The following CCDC30 variants were observed in gnomAD, a reference collection of about 807,000 sequenced individuals.
CCDC30 encodes the protein coiled-coil domain containing 30, also known as coiled-coil domain-containing protein 30.
A neutral mutation model predicts 100.2 loss-of-function variants in CCDC30; 70 were observed. The observed-to-expected ratio is 0.70, with a 90% CI of 0.58 to 0.85. The LOEUF (loss-of-function observed/expected upper bound fraction) is 0.85, where lower values mean the gene tolerates loss of function less well. CCDC30 is among the 40% of genes least tolerant of loss of function. The pLI, the probability that CCDC30 is intolerant of heterozygous loss-of-function variation, is 0.00. For synonymous variants in CCDC30, 233 were observed against 269.5 expected, an observed-to-expected ratio of 0.86 and a Z score of 1.33; for missense variants, 652 against 771.2, an observed-to-expected ratio of 0.85 and a Z score of 1.83.
At chr1:42,456,567 T>G in the CCDC30 span, 5 of 1,475,048 alleles carry the variant, frequency 3.4e-6, no homozygotes, top group Non-Finnish European at 4.5e-6. Context: ...GCGCTGCAGA[T>G]GGCGGAAATG....
At chr1:42,457,305 T>A in the CCDC30 span, 2 of 1,614,210 alleles carry the variant, frequency 1.2e-6, no homozygotes, top group Non-Finnish European at 1.7e-6. Flanking sequence ...TTCCTGTCTC[T>A]GAAATGCCTG....
rs1246881863 is a variant in CCDC30 at position 42,542,848 on chromosome 1, C to G, written c.457-23448C>G. On this transcript the variant is annotated intron_variant, in intron 6 of 16. Coordinates refer to ENST00000668663, the Ensembl canonical transcript of CCDC30. The stretch of plus-strand genomic sequence containing the variant: ...GATTACAGGCGTGAGCCACCGCGCC[C>G]GGCCTAAATTTTTCTTTAATAAAGA... 1.8e-5 allele frequency: 2 copies of G among 113,808 alleles called. 1 individual carries two copies. The highest frequency in any genetic ancestry group is 5.9e-5 in the African/African-American group (2 of 34,098). The allele number at this position is 113,808 out of a possible 1,614,324, so 7.0% of individuals were successfully genotyped here. A position where few individuals can be genotyped will look rare whatever the true frequency, so the allele number is the denominator to read the frequency against.
At chr1:42,611,127 G>A (rs907226237) in intron 11 of CCDC30, 37 bp downstream of exon 15, 1 of 1,258,916 alleles carries the variant, frequency 7.9e-7, no homozygotes, top group South Asian at 1.2e-5. Flanking sequence ...AGAAAACTAT[G>A]TAGAGTAGTT....
chr1:42,606,627 G>T (rs1158762813), intron 10 of CCDC30, among the ~76,000 whole-genome samples: 1 of 152,160 alleles, frequency 6.6e-6, no homozygotes, highest in East Asian at 1.9e-4. Context: ...AGTAAATTTT[G>T]TGTTGAATTA....
chr1:42,633,936 T>C (rs1306135929), intron 11 of CCDC30, among the ~76,000 whole-genome samples: 1 of 152,040 alleles, frequency 6.6e-6, no homozygotes, highest in East Asian at 1.9e-4. Flanking sequence ...GTCCTTCACA[T>C]GGTGGCAGCA....
chr1:42,617,226 C>T lies in CCDC30; in HGVS notation c.1277+6136C>T, dbSNP rs552935393. 3.3e-5 allele frequency among the ~76,000 whole-genome samples: 5 copies of T among 152,216 alleles called. No homozygotes were observed. In the East Asian group the frequency reaches 9.6e-4, roughly 29 times the overall value. On this transcript the variant is annotated intron_variant, in intron 11 of 16. Transcript: ENST00000668663. ...GGCCAAGGCAGGAGGATCACTTGAA[C>T]CCAGGAGTTCAAAACCAGCCTAGGG...
intron 1 of CCDC30, among the ~76,000 whole-genome samples, chr1:42,475,609 T>G (rs1643873846): frequency 6.6e-6 from 1 of 152,212 alleles, no homozygotes; most frequent in Non-Finnish European, 1.5e-5. Context: ...AATTATATCT[T>G]CTACCCCAAG....
chr1:42,549,768 C>A (rs551695748), intron 6 of CCDC30, among the ~76,000 whole-genome samples: 1 of 152,112 alleles, frequency 6.6e-6, no homozygotes, highest in African/African-American at 2.4e-5. Context: ...CAACTGAATC[C>A]GAAGTTGGAA....
chr1:42,610,099 G>A (rs936274566), intron 10 of CCDC30, among the ~76,000 whole-genome samples: 1 of 152,172 alleles, frequency 6.6e-6, no homozygotes, highest in African/African-American at 2.4e-5. Context: ...AACATGATCA[G>A]ATGTGGCTAG....
chr1:42,520,294 T>C (rs973916122), intron 6 of CCDC30, among the ~76,000 whole-genome samples: 1 of 152,072 alleles, frequency 6.6e-6, no homozygotes, highest in Non-Finnish European at 1.5e-5. Flanking sequence ...TGGTGTGTTA[T>C]GATTTCATTT....
chr1:42,542,612 G>A (rs1381556040), intron 6 of CCDC30, among the ~76,000 whole-genome samples: 2 of 104,238 alleles, frequency 1.9e-5, no homozygotes, highest in South Asian at 3.3e-4. Flanking sequence ...CTGCAGTGGC[G>A]CAATCTCGGC....
At chr1:42,536,081 ATACT>A (rs1233308166) in intron 6 of CCDC30, among the ~76,000 whole-genome samples, 1 of 152,068 alleles carries the variant, frequency 6.6e-6, no homozygotes, top group Admixed American at 6.6e-5. Context: ...TGCATCTAAC[ATACT>A]TACCATAGTC....
upstream of CCDC30, among the ~76,000 whole-genome samples, chr1:42,461,322 C>A (rs1358480755): frequency 6.6e-6 from 1 of 152,138 alleles, no homozygotes; most frequent in Non-Finnish European, 1.5e-5. Flanking sequence ...GTTCTGGAAG[C>A]AGCAGTCCCT....
upstream of CCDC30, among the ~76,000 whole-genome samples, chr1:42,461,687 C>T (rs1408624503): frequency 2.6e-5 from 4 of 152,208 alleles, no homozygotes; most frequent in East Asian, 7.7e-4. Flanking sequence ...GCTGGGACTA[C>T]AGGCGCCCGC....
At chr1:42,497,062 A>G in intron 4 of CCDC30, 36 bp from the exon 5 acceptor site, 2 of 1,135,692 alleles carry the variant, frequency 1.8e-6, no homozygotes, top group Non-Finnish European at 2.2e-6. Flanking sequence ...TAAAACTTTG[A>G]TCCAGTTGAG....
intron 12 of CCDC30, among the ~76,000 whole-genome samples, chr1:42,640,822 G>A (rs937114509): frequency 2.0e-5 from 3 of 151,862 alleles, no homozygotes; most frequent in South Asian, 2.1e-4. Context: ...TGAACCCAGC[G>A]GGCAGAGGTT....
At chr1:42,617,316 T>C (rs1646745103) in intron 11 of CCDC30, among the ~76,000 whole-genome samples, 1 of 152,152 alleles carries the variant, frequency 6.6e-6, no homozygotes, top group Non-Finnish European at 1.5e-5. Flanking sequence ...ATTTTTTTAA[T>C]TACCCAAATG....
At chr1:42,510,311 G>T (rs1050533837) in intron 6 of CCDC30, among the ~76,000 whole-genome samples, 9 of 152,144 alleles carry the variant, frequency 5.9e-5, no homozygotes, top group Admixed American at 5.2e-4. Context: ...ACCTTGGTTA[G>T]GGTTTGGCTT....
intron 6 of CCDC30, chr1:42,539,273 A>G (rs142047244): frequency 5.6e-6 from 9 of 1,606,784 alleles, no homozygotes; most frequent in Non-Finnish European, 7.6e-6. Flanking sequence ...ATAGCATGTG[A>G]CCTGTTACAA....
Sources: allele counts gnomAD v4.1 joint callset (sites outside exome capture counted in the v4.1 genomes callset), GRCh38; gene constraint gnomAD v4.1.1; transcripts MANE v1.5; gene names NCBI Gene and HGNC (gene_info 2026-07-23, HGNC 2026-07-21).